Variants in CYP4A22 observed in about 807,000 individuals in gnomAD.
The protein encoded by CYP4A22 is cytochrome P450 family 4 subfamily A member 22.
CYP4A22 carries 46 observed loss-of-function variants against 56.2 expected under a neutral mutation model. That is an observed-to-expected ratio of 0.82 (90% CI 0.65 to 1.05). The LOEUF is 1.05. CYP4A22 is among the 50% of genes least tolerant of loss of function. The pLI, the probability that CYP4A22 is intolerant of heterozygous loss-of-function variation, is 0.00. For missense variants in CYP4A22, 541 were observed against 645.9 expected (o/e 0.84, Z 1.76); for synonymous variants, 193 against 251.1 (o/e 0.77, Z 2.19).
chr1:47,141,040 C>A, intron 2 of CYP4A22, 119 bp downstream of exon 2: 11 of 1,455,306 alleles, frequency 7.6e-6, no homozygotes, highest in Non-Finnish European at 1.0e-5. Context: ...ACCTCTCCCA[C>A]GCATCCACCA....
rs2758715 is a variant in CYP4A22, at chr1:47,142,199, C to T, written c.474C>T (p.Tyr158=). The change falls in exon 4 of 12, where the codon TAC becomes TAT. Residue 158 remains tyrosine (Y), a synonymous_variant. Coordinates refer to ENST00000371891, the MANE Select transcript of CYP4A22 (RefSeq NM_001010969.4). The stretch of plus-strand genomic sequence containing the variant: ...TCCACAATGACATCCTGAAGCCATA[C>T]GTGGGGCTCATGGCAGACTCTGTAC... ...PAFHNDILKP[Y]VGLMADSVRV... The T allele has an allele frequency of 3.4e-5, 55 of 1,613,362 alleles. No homozygotes were observed. In the African/African-American group the frequency reaches 3.6e-4, roughly 11 times the overall value.
chr1:47,141,761 T>C (rs767934104), intron 3 of CYP4A22, 146 bp downstream of exon 3: 9 of 1,143,690 alleles, frequency 7.9e-6, no homozygotes, highest in Non-Finnish European at 9.8e-6. Flanking sequence ...AACAAGACCC[T>C]CACCCCTTCC....
At position 47,146,308 on chromosome 1, in the gene CYP4A22, C is replaced by T; in HGVS notation, c.1364+155C>T. ...AAAGTCAGGCACCTGGTGTGGGCGT[C>T]TCTGTGTACAAAAGGAAGGTGGCAT... On this transcript the variant is annotated intron_variant, in intron 11 of 11. Transcript: ENST00000371891. The T allele has an allele frequency of 7.8e-6, 12 of 1,537,968 alleles. No individual in the cohort carries two copies. In the South Asian group the frequency reaches 1.5e-4, roughly 19 times the overall value.
intron 1 of CYP4A22, among the ~76,000 whole-genome samples, chr1:47,138,786 C>T (rs1468718915): frequency 2.6e-5 from 4 of 152,196 alleles, no homozygotes; most frequent in African/African-American, 9.7e-5. Context: ...AGCAAGAGGG[C>T]TGAGGAGGGA....
At chr1:47,147,961 G>A (rs188017235) in intron 11 of CYP4A22, among the ~76,000 whole-genome samples, 27 of 152,272 alleles carry the variant, frequency 1.8e-4, no homozygotes, top group Admixed American at 1.6e-3. Context: ...AAGGATGGAC[G>A]TTTCTGGAGT....
chr1:47,141,630 T>A lies in CYP4A22; in HGVS notation c.382+15T>A. The A allele has an allele frequency of 6.2e-7, 1 of 1,613,194 alleles. No homozygotes were observed. The highest frequency in any genetic ancestry group is 1.1e-5 in the South Asian group (1 of 90,910). ...TCCACGGATTGGTATGTGTGCAAACTAGGACTGCAGCCCACTCCCTAGTTA... is the reference window on the plus strand; with the variant it reads ...TCCACGGATTGGTATGTGTGCAAACAAGGACTGCAGCCCACTCCCTAGTTA... On this transcript the variant is annotated intron_variant, in intron 3 of 11. Transcript: ENST00000371891.
At chr1:47,146,253 G>A (rs1645075193) in intron 11 of CYP4A22, 100 bp downstream of exon 11, 1 of 1,602,630 alleles carries the variant, frequency 6.2e-7, no homozygotes, top group Non-Finnish European at 8.5e-7. Context: ...GGCATCTTCA[G>A]GTGTGCTCTT....
chr1:47,148,876 G>T lies in CYP4A22; in HGVS notation c.*79G>T. ...TCTGCCTCTGTCCTGCTTTCTGTCT[G>T]CCCACCTTCCCTTCTTCCCACCTGC... On this transcript the variant is annotated 3_prime_UTR_variant, in exon 12 of 12. Transcript: ENST00000371891. The T allele has an allele frequency of 1.4e-6, 2 of 1,480,434 alleles. No homozygotes were observed. The highest frequency in any genetic ancestry group is 2.5e-5 in the East Asian group (1 of 40,442). 91.7% of individuals were successfully genotyped at this position (1,480,434 alleles called of 1,614,324 possible).
At chr1:47,142,989 C>A (rs1237300259) in intron 4 of CYP4A22, among the ~76,000 whole-genome samples, 4 of 152,182 alleles carry the variant, frequency 2.6e-5, no homozygotes, top group African/African-American at 9.7e-5. Context: ...AGCATATGTC[C>A]TAACTGAATC....
chr1:47,143,579 G>A (rs1314986786), intron 5 of CYP4A22, among the ~76,000 whole-genome samples, 183 bp from the exon 6 acceptor site: 2 of 152,146 alleles, frequency 1.3e-5, no homozygotes, highest in Non-Finnish European at 2.9e-5. Flanking sequence ...CCTAGCACAG[G>A]TGGACCCTGG....
rs1378807264 is a variant in CYP4A22 at position 47,144,929 on chromosome 1, G to C, written c.1181G>C (p.Ser394Thr). The C allele has an allele frequency of 6.2e-7, 1 of 1,614,172 alleles. No individual in the cohort carries two copies. Among genetic ancestry groups the C allele is most frequent in the South Asian group, 1.1e-5 (1 of 91,076 alleles). ...GTGCCAGGCATTGGAAGAGAGCTCAGCACTCCCGTCACCTTCCCTGATGGG... is the reference window on the plus strand; with the variant it reads ...GTGCCAGGCATTGGAAGAGAGCTCACCACTCCCGTCACCTTCCCTGATGGG... ...PPVPGIGRELSTPVTFPDGRS... is the reference protein window; with the variant it reads ...PPVPGIGRELTTPVTFPDGRS... The change falls in exon 9 of 12, where the codon AGC becomes ACC. Residue 394 changes from serine (S) to threonine (T), a missense_variant. Physicochemically the swap from Ser to Thr is moderately conservative, Grantham distance 58 (BLOSUM62 1). This residue lies in a region of CYP4A22 where 204 missense variants were observed against 258.9 expected (regional missense o/e 0.79). Transcript: ENST00000371891.
chr1:47,146,602 T>C (rs545479634), intron 11 of CYP4A22: 125 of 1,018,404 alleles, frequency 1.2e-4, no homozygotes, highest in South Asian at 5.2e-4. Context: ...TAGTCTGTCG[T>C]AGAGATGAAT....
At chr1:47,148,468 A>T (rs1212622172) in intron 11 of CYP4A22, 134 bp from the exon 12 acceptor site, 1 of 1,260,996 alleles carries the variant, frequency 7.9e-7, no homozygotes, top group Non-Finnish European at 1.1e-6. Context: ...CGTGGGCTGT[A>T]AGTGTGCAGG....
chr1:47,145,428 C>A (rs191820109), intron 9 of CYP4A22, among the ~76,000 whole-genome samples: 18 of 152,276 alleles, frequency 1.2e-4, no homozygotes, highest in African/African-American at 4.3e-4. Context: ...CAGTTCTGGT[C>A]CCAGTCCTGC....
Position 47,144,373 on chromosome 1 carries a change from G to C in CYP4A22, c.807G>C (p.Leu269=). The C allele has an allele frequency of 6.2e-7, 1 of 1,613,966 alleles. No individual in the cohort carries two copies. The highest frequency in any genetic ancestry group is 8.5e-7 in the Non-Finnish European group (1 of 1,179,840). ...AHQHTDQVIQ[L]RKAQLQKEGE... ...CTGGTACAGACCAAGTGATCCAACTGAGGAAGGCTCAACTACAGAAGGAGG... is the reference window on the plus strand; with the variant it reads ...CTGGTACAGACCAAGTGATCCAACTCAGGAAGGCTCAACTACAGAAGGAGG... The change falls in exon 7 of 12, where the codon CTG becomes CTC. Residue 269 remains leucine (L), a synonymous_variant. Transcript: ENST00000371891.
chr1:47,143,226 A>G, intron 4 of CYP4A22, 43 bp from the exon 5 acceptor site: 1 of 1,567,382 alleles, frequency 6.4e-7, no homozygotes, highest in Non-Finnish European at 8.7e-7. Flanking sequence ...TTAGCAAAGC[A>G]CTTCTTGGAG....
chr1:47,141,322 T>C (rs1487096156), intron 2 of CYP4A22, among the ~76,000 whole-genome samples: 1 of 152,192 alleles, frequency 6.6e-6, no homozygotes, highest in Admixed American at 6.5e-5. Flanking sequence ...TTCATTGTCA[T>C]TGAAGACCTA....
intron 11 of CYP4A22, 77 bp downstream of exon 11, chr1:47,146,230 G>A (rs539797272): frequency 3.2e-5 from 52 of 1,611,188 alleles, no homozygotes; most frequent in Middle Eastern, 1.7e-4. Context: ...TTGTGAGCCC[G>A]ATGTTCATAT....
At chr1:47,145,043 T>A (rs35614918) in intron 9 of CYP4A22, 73 bp downstream of exon 9, 2 of 1,585,898 alleles carry the variant, frequency 1.3e-6, no homozygotes, top group Non-Finnish European at 1.7e-6. Flanking sequence ...CCATGTGTGC[T>A]TCAGAGTTCT....
Sources: allele counts gnomAD v4.1 joint callset (sites outside exome capture counted in the v4.1 genomes callset), GRCh38; gene constraint gnomAD v4.1.1; regional missense constraint gnomAD v4.1.1; transcripts MANE v1.5; gene names NCBI Gene and HGNC (gene_info 2026-07-23, HGNC 2026-07-21).